The following SERPINA11 variants were observed in gnomAD, a reference collection of about 807,000 sequenced individuals.
SERPINA11 encodes serpin A11.
SERPINA11 carries 28 observed loss-of-function variants against 29.4 expected under a neutral mutation model. The ratio of observed to expected loss-of-function variants is 0.95; its 90% CI spans 0.70 to 1.30. The LOEUF is 1.30. Ranked by LOEUF, SERPINA11 falls within the 50% of genes most tolerant of loss-of-function variation. SERPINA11 has a pLI of 0.00. For missense variants in SERPINA11, 530 were observed against 507.3 expected (o/e 1.04, Z -0.43); for synonymous variants, 253 against 206.6 (o/e 1.22, Z -1.92).
chr14:94,446,698 C>T, intron 2 of SERPINA11, 94 bp from the exon 3 acceptor site: 2 of 1,312,724 alleles, frequency 1.5e-6, no homozygotes, highest in Non-Finnish European at 2.1e-6. Flanking sequence ...CTTGGCTATG[C>T]AAGTATGTGG....
At chr14:94,445,790 T>C (rs1206377550) in intron 3 of SERPINA11, among the ~76,000 whole-genome samples, 1 of 152,166 alleles carries the variant, frequency 6.6e-6, no homozygotes. Context: ...TTGCCCAAGC[T>C]AGTCTCAAAC....
In SERPINA11 at chr14:94,448,860, T is replaced by C. The variant is rs1898501447; in HGVS notation, c.-3-83A>G. Reference sequence around the variant, plus strand: ...ATTGCTCATACCACAAATCCCACCTTCACAATGTGCCCCACAGGGCTGCCA... The same window carrying C: ...ATTGCTCATACCACAAATCCCACCTCCACAATGTGCCCCACAGGGCTGCCA... On this transcript the variant is annotated intron_variant, in intron 1 of 4. Coordinates refer to ENST00000334708, the MANE Select transcript of SERPINA11 (RefSeq NM_001080451.2). 1.7e-5 allele frequency: 22 copies of C among 1,322,798 alleles called. No homozygotes were observed. In the South Asian group the frequency reaches 3.7e-4, roughly 22 times the overall value. The allele number at this position is 1,322,798 out of a possible 1,614,324, so 81.9% of individuals were successfully genotyped here.
intron 3 of SERPINA11, among the ~76,000 whole-genome samples, chr14:94,444,155 G>A (rs1324564801): frequency 6.6e-6 from 1 of 152,124 alleles, no homozygotes; most frequent in Non-Finnish European, 1.5e-5. Context: ...AGCAAGACCC[G>A]CGCCAGTTGG....
chr14:94,447,377 A>G (rs1403862313), intron 2 of SERPINA11, among the ~76,000 whole-genome samples: 1 of 152,146 alleles, frequency 6.6e-6, no homozygotes, highest in Non-Finnish European at 1.5e-5. Flanking sequence ...CCAATCAATG[A>G]CCAAGTATTG....
chr14:94,451,766 C>G (rs530997301), intron 1 of SERPINA11, among the ~76,000 whole-genome samples: 2 of 152,270 alleles, frequency 1.3e-5, no homozygotes, highest in African/African-American at 4.8e-5. Flanking sequence ...GGGGCCATTT[C>G]GGGATTATAT....
At chr14:94,449,783 T>C (rs1566784954) in intron 1 of SERPINA11, among the ~76,000 whole-genome samples, 1 of 152,110 alleles carries the variant, frequency 6.6e-6, no homozygotes, top group Non-Finnish European at 1.5e-5. Context: ...TCAATAGCTA[T>C]ATATGTGATG....
Position 94,446,346 on chromosome 14 carries a change from T to C in SERPINA11, c.902A>G (p.Gln301Arg), listed in dbSNP as rs1898437709. ...TGACACTTACCTGGGCAGGAGCAAT[T>C]GGCCCCATTTTCTCAGGGTCTGTGG... ...LQPQTLRKWG[Q>R]LLLPSLLDLH... The change falls in exon 3 of 5, where the codon CAA becomes CGA. Residue 301 changes from glutamine to arginine, a missense_variant. Gln to Arg is a conservative substitution (Grantham distance 43). Coordinates refer to ENST00000334708, the MANE Select transcript of SERPINA11 (RefSeq NM_001080451.2). 6.2e-7 allele frequency: 1 copy of C among 1,613,098 alleles called. No homozygotes were observed. The highest frequency in any genetic ancestry group is 8.5e-7 in the Non-Finnish European group (1 of 1,179,922).
chr14:94,448,730 G>A lies in SERPINA11; in HGVS notation c.45C>T (p.Ala15=). The change falls in exon 2 of 5, where the codon GCC becomes GCT. Residue 15 remains alanine, a synonymous_variant. Transcript: ENST00000334708. ...CAAGAAGGGGCTGACAGTGGACAGA[G>A]GCCAGGATCCCTGTTCCCAGTAGCC... ...WLWLLGTGIL[A]SVHCQPLLAH... is the part of the protein sequence containing the mutation. 6.6e-7 allele frequency: 1 copy of A among 1,518,512 alleles called. No individual in the cohort carries two copies. Among genetic ancestry groups the A allele is most frequent in the Non-Finnish European group, 8.8e-7 (1 of 1,134,864 alleles). The allele number at this position is 1,518,512 out of a possible 1,614,324, so 94.1% of individuals were successfully genotyped here.
At chr14:94,452,265 A>G (rs1898600369) in intron 1 of SERPINA11, among the ~76,000 whole-genome samples, 1 of 152,182 alleles carries the variant, frequency 6.6e-6, no homozygotes, top group Non-Finnish European at 1.5e-5. Context: ...GCCCTACTGT[A>G]CACAGGGAAT....
At chr14:94,449,405 T>TCTC (rs766382606) in intron 1 of SERPINA11, among the ~76,000 whole-genome samples, 7 of 55,170 alleles carry the variant, frequency 1.3e-4, no homozygotes, top group African/African-American at 2.1e-4. Context: ...TCTTTCTTTC[T>TCTC]ATTCTTTCTT....
In SERPINA11 at chr14:94,446,530, G is replaced by T. The variant is rs1309190330; in HGVS notation, c.718C>A (p.Leu240Ile). The T allele has an allele frequency of 1.2e-6, 2 of 1,614,080 alleles. No individual in the cohort carries two copies. ...ESFFVDERTS[L>I]QVPMMHQKEM... Reference sequence around the variant, plus strand: ...TTTTGGTGCATCATGGGGACCTGGAGAGAAGTCCTCTCATCCACAAAGAAA... The same window carrying T: ...TTTTGGTGCATCATGGGGACCTGGATAGAAGTCCTCTCATCCACAAAGAAA... The change falls in exon 3 of 5, where the codon CTC becomes ATC. Residue 240 changes from leucine to isoleucine, a missense_variant. Leu to Ile is a conservative substitution (Grantham distance 5). Transcript: ENST00000334708.
intron 2 of SERPINA11, 34 bp from the exon 3 acceptor site, chr14:94,446,638 T>G: frequency 6.3e-7 from 1 of 1,583,560 alleles, no homozygotes; most frequent in Middle Eastern, 1.7e-4. Flanking sequence ...CCATGAGAAC[T>G]CTTTTCAAGA....
chr14:94,451,556 C>T (rs1898586922), intron 1 of SERPINA11, among the ~76,000 whole-genome samples: 2 of 152,306 alleles, frequency 1.3e-5, no homozygotes, highest in African/African-American at 2.4e-5. Context: ...AACTCAGCAC[C>T]ATTTTCTACT....
intron 3 of SERPINA11, 27 bp from the exon 4 acceptor site, chr14:94,443,252 G>A (rs777392906): frequency 6.2e-7 from 1 of 1,603,418 alleles, no homozygotes; most frequent in Non-Finnish European, 8.5e-7. Flanking sequence ...ACAGAGAAAT[G>A]GTGCTCTCTT....
chr14:94,452,598 A>AAAAC (rs1898606856), intron 1 of SERPINA11, 131 bp downstream of exon 1: 1 of 120,098 alleles, frequency 8.3e-6, no homozygotes. Context: ...CAAAGCCAGG[A>AAAAC]ACACACACAC....
chr14:94,449,470 TTTC>T (rs1388289754), intron 1 of SERPINA11, among the ~76,000 whole-genome samples: 1 of 117,654 alleles, frequency 8.5e-6, no homozygotes, highest in African/African-American at 4.6e-5. Context: ...TCTTTCTTTC[TTTC>T]TTTCTTTCTG....
Position 94,448,117 on chromosome 14 carries a change from C to A in SERPINA11, c.643+15G>T. ...GCAGAGGCAGTGGCAATAATTCTGT[C>A]AGAGCAAGCCTCACCTTTGAAGAAG... On this transcript the variant is annotated intron_variant, in intron 2 of 4. Coordinates refer to ENST00000334708, the MANE Select transcript of SERPINA11 (RefSeq NM_001080451.2). 2.5e-6 allele frequency: 4 copies of A among 1,606,678 alleles called. No homozygotes were observed. The highest frequency in any genetic ancestry group is 3.4e-6 in the Non-Finnish European group (4 of 1,175,294).
intron 1 of SERPINA11, among the ~76,000 whole-genome samples, chr14:94,449,368 T>A (rs1466469991): frequency 6.8e-6 from 1 of 147,116 alleles, no homozygotes; most frequent in East Asian, 2.0e-4. Context: ...GCAAAACAAC[T>A]TCCATAGTCT....
chr14:94,448,555 A>T lies in SERPINA11; in HGVS notation c.220T>A (p.Phe74Ile), dbSNP rs371042496. 1 of 1,614,182 alleles carries T rather than the reference A, an allele frequency of 6.2e-7. No individual in the cohort carries two copies. Among genetic ancestry groups the T allele is most frequent in the African/African-American group, 1.3e-5 (1 of 75,036 alleles). Residue 74 changes from phenylalanine (F) to isoleucine (I), a missense_variant, in exon 2 of 5, where the codon TTC becomes ATC. Physicochemically the swap from Phe to Ile is conservative, Grantham distance 21. Coordinates refer to ENST00000334708, the MANE Select transcript of SERPINA11 (RefSeq NM_001080451.2). ...ELAADAPGNIFFSPVSISTTL... is the reference protein window; with the variant it reads ...ELAADAPGNIIFSPVSISTTL... Reference sequence around the variant, plus strand: ...GTGGAGATGCTCACTGGCGAGAAGAAGATGTTTCCGGGGGCGTCTGCTGCC... The same window carrying T: ...GTGGAGATGCTCACTGGCGAGAAGATGATGTTTCCGGGGGCGTCTGCTGCC...
Sources: gnomAD v4.1 joint callset for allele counts (sites outside exome capture counted in the v4.1 genomes callset) on GRCh38, gnomAD v4.1.1 for gene constraint, MANE v1.5 for transcripts, NCBI Gene and HGNC (gene_info 2026-07-23, HGNC 2026-07-21) for gene names.